EFCAB6: variants seen among roughly 807,000 people sequenced by gnomAD.
The protein encoded by EFCAB6 is EF-hand calcium-binding domain-containing protein 6.
Under a neutral mutation model 169.8 loss-of-function variants are expected in EFCAB6, and 156 were observed. The observed-to-expected ratio is 0.92, with a 90% CI of 0.81 to 1.05. The LOEUF (loss-of-function observed/expected upper bound fraction) is 1.05. Ranked by LOEUF, EFCAB6 falls within the 50% of genes least tolerant of loss-of-function variation. The pLI is 0.00. For missense variants in EFCAB6, 1,800 were observed against 1,829.1 expected (o/e 0.98, Z 0.29); for synonymous variants, 698 against 676.4 (o/e 1.03, Z -0.50).
chr22:43,680,088 C>T (rs546063477), intron 12 of EFCAB6, among the ~76,000 whole-genome samples: 19 of 152,226 alleles, frequency 1.2e-4, no homozygotes, highest in Non-Finnish European at 2.4e-4. Context: ...TGTTTTTCTT[C>T]TAAGAGTTTT....
At chr22:43,617,648 C>A (rs34041682) in intron 20 of EFCAB6, among the ~76,000 whole-genome samples, 3,796 of 152,256 alleles carry the variant, frequency 0.025, 66 homozygotes, top group Non-Finnish European at 0.041. Context: ...TCAGATCCAG[C>A]CTTCCTTCCT....
chr22:43,698,880 T>C (rs1259631942), intron 10 of EFCAB6, among the ~76,000 whole-genome samples: 1 of 152,208 alleles, frequency 6.6e-6, no homozygotes, highest in African/African-American at 2.4e-5. Flanking sequence ...ATGTGAGTTT[T>C]AGCAGCTCAA....
chr22:43,635,224 G>A lies in EFCAB6; in HGVS notation c.1984-8C>T. On this transcript the variant is annotated splice_region_variant and splice_polypyrimidine_tract_variant and intron_variant, in intron 17 of 31. Coordinates refer to ENST00000262726, the MANE Select transcript of EFCAB6 (RefSeq NM_022785.4). ...CCCAGTGTCTTCCAGTACCTGACGAGGGAGACAGGGGAGGGTGGAGAGGCG... is the reference window on the plus strand; with the variant it reads ...CCCAGTGTCTTCCAGTACCTGACGAAGGAGACAGGGGAGGGTGGAGAGGCG... The A allele has an allele frequency of 2.5e-6, 4 of 1,606,480 alleles. No individual in the cohort carries two copies. Among genetic ancestry groups the A allele is most frequent in the Non-Finnish European group, 3.4e-6 (4 of 1,173,036 alleles).
At chr22:43,687,031 C>T (rs1400540043) in intron 11 of EFCAB6, among the ~76,000 whole-genome samples, 1 of 152,154 alleles carries the variant, frequency 6.6e-6, no homozygotes, top group Non-Finnish European at 1.5e-5. Flanking sequence ...ATATCTGGGC[C>T]ACTCAGTGGC....
At chr22:43,800,557 G>A (rs967280234) in intron 2 of EFCAB6, among the ~76,000 whole-genome samples, 1 of 152,176 alleles carries the variant, frequency 6.6e-6, no homozygotes, top group African/African-American at 2.4e-5. Flanking sequence ...CAATTTTAAG[G>A]AAACTCTGTG....
chr22:43,574,662 T>C (rs1172879851), intron 26 of EFCAB6, among the ~76,000 whole-genome samples: 2 of 148,634 alleles, frequency 1.3e-5, no homozygotes, highest in South Asian at 2.1e-4. Context: ...AAAAAAACCA[T>C]AATCATAAAA....
At chr22:43,780,323 C>T (rs1266529088) in intron 3 of EFCAB6, among the ~76,000 whole-genome samples, 1 of 151,710 alleles carries the variant, frequency 6.6e-6, no homozygotes, top group East Asian at 1.9e-4. Context: ...CCTGTCTCTA[C>T]TAAAAATACA....
At chr22:43,679,361 T>A (rs1249832296) in intron 12 of EFCAB6, among the ~76,000 whole-genome samples, 1 of 152,238 alleles carries the variant, frequency 6.6e-6, no homozygotes, top group African/African-American at 2.4e-5. Context: ...GGGCATTACA[T>A]TGCCAGATTT....
intron 21 of EFCAB6, among the ~76,000 whole-genome samples, chr22:43,614,699 G>A (rs993794229): frequency 6.6e-6 from 1 of 152,276 alleles, no homozygotes; most frequent in South Asian, 2.1e-4. Flanking sequence ...GTGGGCCAGC[G>A]CAGACAGTCC....
intron 6 of EFCAB6, among the ~76,000 whole-genome samples, chr22:43,736,493 T>C (rs2060142851): frequency 6.6e-6 from 1 of 152,228 alleles, no homozygotes; most frequent in Admixed American, 6.5e-5. Context: ...TGATATTTAT[T>C]GGGTGCACAG....
chr22:43,699,808 T>C (rs1371958803), intron 10 of EFCAB6, among the ~76,000 whole-genome samples: 1 of 152,222 alleles, frequency 6.6e-6, no homozygotes. Context: ...CTACACTTCA[T>C]ATAATTTAGA....
intron 13 of EFCAB6, among the ~76,000 whole-genome samples, chr22:43,676,177 G>C (rs1166972647): frequency 6.6e-6 from 1 of 152,086 alleles, no homozygotes; most frequent in East Asian, 1.9e-4. Flanking sequence ...CAGCACCTTG[G>C]GAGGCCGAGG....
rs528458499 is a variant in EFCAB6 at position 43,626,295 on chromosome 22, A to C, written c.2465+152T>G. ...TTTCTGGTTGTTCTACACTGAGTGC[A>C]TATTTCTTGTATGACTTTTTCTGAA... On this transcript the variant is annotated intron_variant, in intron 20 of 31. Transcript: ENST00000262726. 127 of 742,674 alleles carry C rather than the reference A, an allele frequency of 1.7e-4. No homozygotes were observed. In the African/African-American group the frequency reaches 1.8e-3, roughly 11 times the overall value. The allele number at this position is 742,674 out of a possible 1,614,324, so 46.0% of individuals were successfully genotyped here.
intron 11 of EFCAB6, among the ~76,000 whole-genome samples, chr22:43,686,337 G>C (rs1042646392): frequency 5.3e-5 from 8 of 151,942 alleles, no homozygotes; most frequent in Non-Finnish European, 1.2e-4. Flanking sequence ...ATCTTCTGAG[G>C]TTTCAACCTT....
intron 6 of EFCAB6, among the ~76,000 whole-genome samples, chr22:43,751,872 G>A (rs756838795): frequency 1.4e-4 from 21 of 152,206 alleles, no homozygotes; most frequent in Non-Finnish European, 2.8e-4. Context: ...GGATAACAAC[G>A]GCACCTGCCT....
rs1002648763 is a variant in EFCAB6, at chr22:43,735,976, C to T, written c.525G>A (p.Lys175=). The T allele has an allele frequency of 1.9e-6, 3 of 1,611,404 alleles. No individual in the cohort carries two copies. In the Admixed American group the frequency reaches 5.0e-5, roughly 27 times the overall value. Residue 175 remains lysine (K), a synonymous_variant, in exon 7 of 32, where the codon AAG becomes AAA. Transcript: ENST00000262726. The part of the protein sequence containing the change: ...QVGEKVFKNI[K]TVMKAFELID... ...TGAGCTCAAAGGCTTTCATAACAGT[C>T]TTAATGTTTTTGAAAACCTATGTAC... is the stretch of plus-strand genomic sequence containing the variant.
At chr22:43,757,307 G>T (rs1383261042) in intron 5 of EFCAB6, among the ~76,000 whole-genome samples, 1 of 152,198 alleles carries the variant, frequency 6.6e-6, no homozygotes, top group Admixed American at 6.5e-5. Flanking sequence ...CAGCACTTTG[G>T]GAGACTGAGG....
chr22:43,583,331 T>C (rs1306373986), intron 24 of EFCAB6, among the ~76,000 whole-genome samples: 4 of 151,544 alleles, frequency 2.6e-5, no homozygotes, highest in African/African-American at 7.3e-5. Context: ...ACAGATTTCA[T>C]GGTTGGGGCA....
In EFCAB6 at chr22:43,682,105, T is replaced by C. The variant is rs564221199; in HGVS notation, c.1251+1642A>G. On this transcript the variant is annotated intron_variant, in intron 12 of 31. Coordinates refer to ENST00000262726, the MANE Select transcript of EFCAB6 (RefSeq NM_022785.4). ...TGCCCACTCCTGGCTCCCACCCTTA[T>C]TCTCCTTCTTACCTAGTCCCCTCCG... Among the ~76,000 whole-genome samples the C allele has an allele frequency of 5.3e-5, 8 of 152,300 alleles. 1 individual carries two copies. The highest frequency in any genetic ancestry group is 1.9e-4 in the African/African-American group (8 of 41,560).
Sources: gnomAD v4.1 joint callset for allele counts (sites outside exome capture counted in the v4.1 genomes callset) on GRCh38, gnomAD v4.1.1 for gene constraint, MANE v1.5 for transcripts, NCBI Gene and HGNC (gene_info 2026-07-23, HGNC 2026-07-21) for gene names.